Variants in CT45A6 observed in about 807,000 individuals in gnomAD.
The protein encoded by CT45A6 is cancer/testis antigen CT45-6.
intron 2 of CT45A6, among the ~76,000 whole-genome samples, chrX:135,797,475 A>C (rs1325238020): frequency 3.4e-4 from 25 of 74,046 alleles, no homozygotes; most frequent in African/African-American, 1.3e-3. Flanking sequence ...CATCAACAAA[A>C]AATCCCTTTT....
At chrX:135,797,470 A>C (rs1440007757) in intron 2 of CT45A6, among the ~76,000 whole-genome samples, 7 of 75,137 alleles carry the variant, frequency 9.3e-5, no homozygotes, top group African/African-American at 1.7e-4. Context: ...TACTCCATCA[A>C]CAAAAAATCC....
chrX:135,797,697 A>G (rs1442990892), intron 2 of CT45A6, among the ~76,000 whole-genome samples: 2 of 21,028 alleles, frequency 9.5e-5, no homozygotes, highest in East Asian at 2.5e-3. Flanking sequence ...ACAATGAGCA[A>G]ATGAAACATA....
At chrX:135,798,692 G>C (rs1392653006) in intron 2 of CT45A6, 133 bp downstream of exon 2, 81 of 27,178 alleles carry the variant, frequency 3.0e-3, no homozygotes, top group South Asian at 6.4e-3. Flanking sequence ...ATGAAGAAGC[G>C]AGTGAACAAC....
At position 135,798,672 on chromosome X, in the gene CT45A6, G is replaced by A. The variant is rs2088252765; in HGVS notation, c.169+153C>T. On this transcript the variant is annotated intron_variant, in intron 2 of 4. Transcript: ENST00000620654. ...AAGATTGTCGGAAATGGAAATCCTAGAAGGTTTTCATGAAGAAGCGAGTGA... is the reference window on the plus strand; with the variant it reads ...AAGATTGTCGGAAATGGAAATCCTAAAAGGTTTTCATGAAGAAGCGAGTGA... Among the ~76,000 whole-genome samples, 2 of 16,891 alleles carry A rather than the reference G, an allele frequency of 1.2e-4. 1 individual carries two copies. The highest frequency in any genetic ancestry group is 1.3e-3 in the Admixed American group (2 of 1,519). 14.7% of individuals were successfully genotyped at this position (16,891 alleles called of 115,157 possible).
intron 2 of CT45A6, 129 bp downstream of exon 2, chrX:135,798,696 G>A (rs5975593): frequency 2.0e-3 from 56 of 27,527 alleles, no homozygotes; most frequent in South Asian, 5.3e-3. Flanking sequence ...AGAAGCGAGT[G>A]AACAACTGTC....
intron 2 of CT45A6, among the ~76,000 whole-genome samples, chrX:135,797,404 CATCA>C: frequency 1.6e-5 from 1 of 60,805 alleles, no homozygotes; most frequent in Non-Finnish European, 3.0e-5. Flanking sequence ...CTCCTCTCTA[CATCA>C]AACATATTCT....
At chrX:135,797,400 TC>T (rs1333772290) in intron 2 of CT45A6, among the ~76,000 whole-genome samples, 21 of 59,489 alleles carry the variant, frequency 3.5e-4, no homozygotes, top group Middle Eastern at 0.017. Flanking sequence ...CAGCCTCCTC[TC>T]TACATCAAAC....
At chrX:135,798,632 T>TAA (rs1321710413) in intron 2 of CT45A6, among the ~76,000 whole-genome samples, 193 bp downstream of exon 2, 1 of 17,592 alleles carries the variant, frequency 5.7e-5, no homozygotes, top group Non-Finnish European at 9.6e-5. Context: ...GACAAGAAAT[T>TAA]AAAAAAAAAA....
rs1321710413 is a variant in CT45A6 at position 135,798,632 on chromosome X, T to TA, written c.169+192dup. On this transcript the variant is annotated intron_variant, in intron 2 of 4. Coordinates refer to ENST00000620654, the MANE Select transcript of CT45A6 (RefSeq NM_001017438.3). ...GGATTCACCAATACGGACAAGAAATTAAAAAAAAAAAAAAAAGATTGTCGG... is the reference window on the plus strand; with the variant it reads ...GGATTCACCAATACGGACAAGAAATTAAAAAAAAAAAAAAAAAGATTGTCGG... Among the ~76,000 whole-genome samples, 51 of 17,583 alleles carry TA rather than the reference T, an allele frequency of 2.9e-3. 5 individuals are homozygous for TA. Among genetic ancestry groups the TA allele is most frequent in the African/African-American group, 5.0e-3 (16 of 3,217 alleles). 15.3% of individuals were successfully genotyped at this position (17,583 alleles called of 115,157 possible). A position where few individuals can be genotyped will look rare whatever the true frequency, so the allele number is the denominator to read the frequency against.
chrX:135,798,690 G>T, intron 2 of CT45A6, 135 bp downstream of exon 2: 1 of 41,850 alleles, frequency 2.4e-5, no homozygotes, highest in Non-Finnish European at 3.7e-5. Context: ...TCATGAAGAA[G>T]CGAGTGAACA....
At chrX:135,798,587 T>A in intron 2 of CT45A6, among the ~76,000 whole-genome samples, 1 of 6,453 alleles carries the variant, frequency 1.5e-4, no homozygotes, top group African/African-American at 8.2e-4. Flanking sequence ...CGAAACTCCA[T>A]CTCAAGAAAA....
chrX:135,798,630 A>C (rs1345093763), intron 2 of CT45A6, among the ~76,000 whole-genome samples, 195 bp downstream of exon 2: 1 of 20,400 alleles, frequency 4.9e-5, no homozygotes, highest in Non-Finnish European at 8.3e-5. Context: ...CGGACAAGAA[A>C]TTAAAAAAAA....
intron 2 of CT45A6, among the ~76,000 whole-genome samples, chrX:135,798,582 C>G (rs4495599): frequency 0.023 from 150 of 6,465 alleles, 19 homozygotes; most frequent in Non-Finnish European, 0.03. Context: ...AAGAGCGAAA[C>G]TCCATCTCAA....
At chrX:135,798,538 C>T (rs1210348162) in intron 2 of CT45A6, among the ~76,000 whole-genome samples, 5 of 2,653 alleles carry the variant, frequency 1.9e-3, no homozygotes, top group Non-Finnish European at 3.1e-3. Flanking sequence ...TTCAGTGAGC[C>T]GAGATCGCGC....
Sources: gnomAD v4.1 joint callset for allele counts (sites outside exome capture counted in the v4.1 genomes callset) on GRCh38, gnomAD v4.1.1 for gene constraint, MANE v1.5 for transcripts, NCBI Gene and HGNC (gene_info 2026-07-23, HGNC 2026-07-21) for gene names.